The following DNAJC3 variants were observed in gnomAD, a reference collection of about 807,000 sequenced individuals.
DNAJC3 encodes DnaJ heat shock protein family (Hsp40) member C3.
Under a neutral mutation model 68.6 loss-of-function variants are expected in DNAJC3, and 38 were observed. The observed-to-expected ratio is 0.55, with a 90% CI of 0.43 to 0.73. The LOEUF is 0.73. Among genes scored for constraint, DNAJC3 ranks in the 30% least tolerant of loss-of-function variants. The pLI is 0.00. For missense variants in DNAJC3, 526 were observed against 591.9 expected, an observed-to-expected ratio of 0.89 and a Z score of 1.16; for synonymous variants, 203 against 204.0, an observed-to-expected ratio of 1.00 and a Z score of 0.04.
At chr13:95,785,612 C>A (rs1883578352) in intron 9 of DNAJC3, among the ~76,000 whole-genome samples, 1 of 151,324 alleles carries the variant, frequency 6.6e-6, no homozygotes, top group African/African-American at 2.4e-5. Context: ...GCGTGCACCA[C>A]CATGCCCGGC....
intron 4 of DNAJC3, among the ~76,000 whole-genome samples, chr13:95,733,700 TGTC>T (rs1881790252): frequency 7.2e-6 from 1 of 139,786 alleles, no homozygotes. Flanking sequence ...GTGCCTGGCC[TGTC>T]TTTTTTTTTT....
chr13:95,764,681 T>TATATATATAC (rs1882930555), intron 9 of DNAJC3, among the ~76,000 whole-genome samples: 1 of 110,044 alleles, frequency 9.1e-6, no homozygotes, highest in Non-Finnish European at 1.7e-5. Context: ...TATATATATA[T>TATATATATAC]ATACACACAC....
chr13:95,729,256 G>A (rs922427922), intron 4 of DNAJC3, among the ~76,000 whole-genome samples: 4 of 38,710 alleles, frequency 1.0e-4, no homozygotes, highest in South Asian at 1.2e-3. Flanking sequence ...CTCCCTCTCC[G>A]CCTCCCTCTC....
At chr13:95,689,699 T>C (rs996151119) in intron 1 of DNAJC3, among the ~76,000 whole-genome samples, 1 of 152,152 alleles carries the variant, frequency 6.6e-6, no homozygotes, top group Non-Finnish European at 1.5e-5. Context: ...GGTTGTTCAT[T>C]TGCGATCTTT....
At chr13:95,679,986 G>GTA (rs1487091511) in intron 1 of DNAJC3, among the ~76,000 whole-genome samples, 6 of 152,188 alleles carry the variant, frequency 3.9e-5, no homozygotes, top group African/African-American at 1.4e-4. Context: ...GAGACAGAAA[G>GTA]TATATATCAT....
chr13:95,704,853 T>TTTTTTTTG (rs1320129189), intron 1 of DNAJC3, among the ~76,000 whole-genome samples: 14 of 133,424 alleles, frequency 1.0e-4, no homozygotes, highest in African/African-American at 4.0e-4. Context: ...GTGTGTGTGT[T>TTTTTTTTG]TTTTTTTTTT....
At chr13:95,764,714 AT>A (rs1298556286) in intron 9 of DNAJC3, among the ~76,000 whole-genome samples, 1 of 136,182 alleles carries the variant, frequency 7.3e-6, no homozygotes, top group African/African-American at 2.9e-5. Context: ...ATACATATAT[AT>A]ATACACATAT....
intron 9 of DNAJC3, among the ~76,000 whole-genome samples, chr13:95,785,280 C>T (rs1428458180): frequency 6.6e-6 from 1 of 151,962 alleles, no homozygotes; most frequent in Non-Finnish European, 1.5e-5. Flanking sequence ...GTAACAACCA[C>T]TTAGTCTTAA....
At chr13:95,705,420 C>T (rs1383430190) in intron 1 of DNAJC3, among the ~76,000 whole-genome samples, 1 of 152,168 alleles carries the variant, frequency 6.6e-6, no homozygotes, top group African/African-American at 2.4e-5. Flanking sequence ...TATTGACTTC[C>T]TCCTGTAGTC....
intron 2 of DNAJC3, among the ~76,000 whole-genome samples, chr13:95,709,785 G>A (rs1489100279): frequency 2.6e-5 from 4 of 151,824 alleles, no homozygotes; most frequent in Non-Finnish European, 5.9e-5. Context: ...GACTACACGC[G>A]CCCACCACCA....
rs1267603755 is a variant in DNAJC3, at chr13:95,790,975, G to C, written c.1460G>C (p.Gly487Ala). 6.2e-7 allele frequency: 1 copy of C among 1,613,094 alleles called. No individual in the cohort carries two copies. The highest frequency in any genetic ancestry group is 1.1e-5 in the South Asian group (1 of 90,764). The change falls in exon 12 of 12, where the codon GGG becomes GCG. Residue 487 changes from glycine to alanine, a missense_variant. Physicochemically the swap from Gly to Ala is moderately conservative, Grantham distance 60. Transcript: ENST00000602402. ...CACAGAAGCTGGAACTCATGGCAAG[G>C]GTTCAATCCCTTCAGCTCAGGCGGA... Reference protein sequence around the residue: ...PFHRSWNSWQGFNPFSSGGPF... With the variant: ...PFHRSWNSWQAFNPFSSGGPF...
At chr13:95,729,232 C>T (rs1881628928) in intron 4 of DNAJC3, among the ~76,000 whole-genome samples, 1 of 119,666 alleles carries the variant, frequency 8.4e-6, no homozygotes, top group Non-Finnish European at 1.8e-5. Context: ...CGCCCTCTCC[C>T]TCTCCCCCTC....
intron 2 of DNAJC3, among the ~76,000 whole-genome samples, chr13:95,722,814 C>T (rs1426547912): frequency 1.6e-4 from 2 of 12,340 alleles, no homozygotes; most frequent in Non-Finnish European, 3.1e-4. Context: ...ACACCTTGTC[C>T]GCCCCCCCCC....
At chr13:95,747,149 T>C (rs1398398487) in intron 4 of DNAJC3, among the ~76,000 whole-genome samples, 1 of 152,238 alleles carries the variant, frequency 6.6e-6, no homozygotes, top group African/African-American at 2.4e-5. Flanking sequence ...TCTTAATCAG[T>C]GCATACAATC....
In DNAJC3 at chr13:95,757,789, T is replaced by C. The variant is rs757521695; in HGVS notation, c.539T>C (p.Ile180Thr). 1 of 1,537,536 alleles carries C rather than the reference T, an allele frequency of 6.5e-7. No individual in the cohort carries two copies. Among genetic ancestry groups the C allele is most frequent in the East Asian group, 2.3e-5 (1 of 43,792 alleles). ...YTAAIAFLDK[I>T]LEVCVWDAEL... ...GCTGCTATAGCCTTCCTTGATAAGA[T>C]TTTAGAGGTAAGTTTCTTAGATACT... Residue 180 changes from isoleucine (I) to threonine (T), a missense_variant, in exon 5 of 12, where the codon ATT becomes ACT. Ile to Thr is a moderately conservative substitution (Grantham distance 89). Coordinates refer to ENST00000602402, the MANE Select transcript of DNAJC3 (RefSeq NM_006260.5).
chr13:95,686,696 G>T (rs1251456180), intron 1 of DNAJC3, among the ~76,000 whole-genome samples: 3 of 151,906 alleles, frequency 2.0e-5, no homozygotes, highest in East Asian at 3.8e-4. Flanking sequence ...TAAGTATGTG[G>T]TTTTATTTCT....
intron 1 of DNAJC3, among the ~76,000 whole-genome samples, chr13:95,702,980 A>T (rs1027853360): frequency 9.2e-5 from 14 of 152,278 alleles, no homozygotes; most frequent in African/African-American, 3.4e-4. Context: ...TAATTTGTGT[A>T]TAAAATAAAA....
In DNAJC3 at chr13:95,683,821, C is replaced by G. The variant is rs1594766374; in HGVS notation, c.82+6484C>G. On this transcript the variant is annotated intron_variant, in intron 1 of 11. Transcript: ENST00000602402. ...TGGAGGTGGGCGCCTGAAATCCCAG[C>G]TACTTGGGAGGCTGAGGCAGAGAAT... Among the ~76,000 whole-genome samples, 3 of 149,708 alleles carry G rather than the reference C, an allele frequency of 2.0e-5. No individual in the cohort carries two copies. In the South Asian group the frequency reaches 6.3e-4, roughly 32 times the overall value.
intron 2 of DNAJC3, among the ~76,000 whole-genome samples, chr13:95,710,664 T>G (rs1880926563): frequency 6.7e-6 from 1 of 150,330 alleles, no homozygotes; most frequent in Non-Finnish European, 1.5e-5. Context: ...GGGTGGTGTT[T>G]TGTTTTGTTT....
Sources: gnomAD v4.1 joint callset for allele counts (sites outside exome capture counted in the v4.1 genomes callset) on GRCh38, gnomAD v4.1.1 for gene constraint, MANE v1.5 for transcripts, NCBI Gene and HGNC (gene_info 2026-07-23, HGNC 2026-07-21) for gene names.